The following SSPN variants were observed in gnomAD, a reference collection of about 807,000 sequenced individuals.
SSPN encodes the protein sarcospan, also known as K-ras oncogene-associated protein.
In SSPN, 15 loss-of-function variants were observed where a neutral mutation model predicts 19.1. The observed-to-expected ratio is 0.78, with a 90% CI of 0.52 to 1.21. The LOEUF is 1.21. Among genes scored for constraint, SSPN ranks in the 50% most tolerant of loss-of-function variants. The pLI is 0.00. For missense variants in SSPN, 291 were observed against 314.0 expected, an observed-to-expected ratio of 0.93 and a Z score of 0.55; for synonymous variants, 147 against 140.3, an observed-to-expected ratio of 1.05 and a Z score of -0.34.
intron 1 of SSPN, among the ~76,000 whole-genome samples, chr12:26,197,764 T>G (rs1944842973): frequency 6.6e-6 from 1 of 152,234 alleles, no homozygotes; most frequent in South Asian, 2.1e-4. Flanking sequence ...CTCTGCTCTT[T>G]CTGGTTTTCT....
rs1041381335 is a variant in SSPN at position 26,153,279 on chromosome 12, A to G, written c.-31+31127A>G. 2.1e-4 allele frequency among the ~76,000 whole-genome samples: 32 copies of G among 152,230 alleles called. 1 individual carries two copies. The stretch of plus-strand genomic sequence containing the variant: ...ATATATGTAAAGCACTTTGAACCCT[A>G]CTTGGATCTTATTAAGCACTATCTA... On this transcript the variant is annotated intron_variant, in intron 1 of 2. Coordinates refer to the SSPN transcript ENST00000538142.
chr12:26,122,199 GCCA>G lies in SSPN; in HGVS notation c.-31+50_-31+52del, dbSNP rs965283590. On this transcript the variant is annotated intron_variant, in intron 1 of 2. Coordinates refer to the SSPN transcript ENST00000538142. Reference sequence around the variant, plus strand: ...CTGGGGGTGCGGCGCCCCAAGGGGCGCCACCTCGTGCGGCAGGAGGGTCGCGGC... The same window carrying G: ...CTGGGGGTGCGGCGCCCCAAGGGGCGCCTCGTGCGGCAGGAGGGTCGCGGC... The G allele has an allele frequency of 2.1e-6, 3 of 1,396,278 alleles. No individual in the cohort carries two copies. The African/African-American group carries it at 4.6e-5, about 21-fold the overall frequency. 86.5% of individuals were successfully genotyped at this position (1,396,278 alleles called of 1,614,324 possible). A position where few individuals can be genotyped will look rare whatever the true frequency, so the allele number is the denominator to read the frequency against.
intron 1 of SSPN, among the ~76,000 whole-genome samples, chr12:26,185,980 C>T (rs1343433356): frequency 6.6e-6 from 1 of 152,164 alleles, no homozygotes; most frequent in African/African-American, 2.4e-5. Context: ...ATATCAGGCA[C>T]TCCATAAATG....
intron 1 of SSPN, among the ~76,000 whole-genome samples, chr12:26,169,593 A>T (rs201258825): frequency 0.012 from 1,490 of 120,676 alleles, 25 homozygotes; most frequent in African/African-American, 0.039. Flanking sequence ...ATATATATAT[A>T]TTTTTTTTTC....
chr12:26,168,395 C>T (rs915968473), intron 1 of SSPN, among the ~76,000 whole-genome samples: 8 of 152,102 alleles, frequency 5.3e-5, no homozygotes, highest in African/African-American at 1.9e-4. Context: ...CCACCCCGCC[C>T]AGTGTTCGGA....
intron 1 of SSPN, 66 bp from the exon 2 acceptor site, chr12:26,224,227 G>C: frequency 1.8e-6 from 2 of 1,103,176 alleles, no homozygotes; most frequent in Non-Finnish European, 2.8e-6. Flanking sequence ...AAGATACTGA[G>C]ACTGATGTCA....
intron 1 of SSPN, among the ~76,000 whole-genome samples, chr12:26,206,116 G>T (rs922321327): frequency 6.6e-6 from 1 of 152,122 alleles, no homozygotes; most frequent in African/African-American, 2.4e-5. Flanking sequence ...CTGAAGCTTT[G>T]CTCCCCTTCT....
chr12:26,227,968 T>C (rs1285249900), intron 2 of SSPN, among the ~76,000 whole-genome samples: 1 of 152,218 alleles, frequency 6.6e-6, no homozygotes, highest in Non-Finnish European at 1.5e-5. Context: ...AAAATTCCCA[T>C]TTTCAGCAAA....
At chr12:26,160,879 G>A (rs1944583818) in intron 1 of SSPN, among the ~76,000 whole-genome samples, 2 of 151,948 alleles carry the variant, frequency 1.3e-5, no homozygotes, top group African/African-American at 4.8e-5. Context: ...AGGCCAAGGG[G>A]GGCAGATCAC....
chr12:26,232,279 G>T lies in SSPN; in HGVS notation c.*1203G>T. 1.0e-6 allele frequency: 1 copy of T among 985,394 alleles called. No homozygotes were observed. The highest frequency in any genetic ancestry group is 1.2e-6 in the Non-Finnish European group (1 of 829,906). 61.0% of individuals were successfully genotyped at this position (985,394 alleles called of 1,614,324 possible). On this transcript the variant is annotated 3_prime_UTR_variant, in exon 3 of 3. Coordinates refer to ENST00000242729, the MANE Select transcript of SSPN (RefSeq NM_005086.5). ...TTTGAAGTTCTTATTTGAGCAATAT[G>T]GCCTTGACTTGGAGGGTAGTTTTAG...
intron 1 of SSPN, among the ~76,000 whole-genome samples, chr12:26,199,776 A>G (rs987005259): frequency 6.6e-6 from 1 of 152,218 alleles, no homozygotes; most frequent in African/African-American, 2.4e-5. Context: ...TCCCTTCCTC[A>G]TTCAGTAACA....
At chr12:26,198,604 A>G (rs1944851272) in intron 1 of SSPN, among the ~76,000 whole-genome samples, 2 of 152,196 alleles carry the variant, frequency 1.3e-5, no homozygotes, top group Admixed American at 1.3e-4. Context: ...GCTTTATTTC[A>G]TCTCTAGACT....
chr12:26,147,966 A>G (rs1055742343), intron 1 of SSPN, among the ~76,000 whole-genome samples: 1 of 152,244 alleles, frequency 6.6e-6, no homozygotes, highest in Non-Finnish European at 1.5e-5. Flanking sequence ...ATTCTAGAAT[A>G]TATCTTAATA....
At position 26,122,496 on chromosome 12, in the gene SSPN, G is replaced by A. The variant is rs1430494224; in HGVS notation, c.-31+344G>A. On this transcript the variant is annotated intron_variant, in intron 1 of 2. Transcript: ENST00000538142. ...GCAGAAGGGGGCCGCGGCGGCCGCG[G>A]GCTGCGGGAAGGGCGCGCCTCCGCC... 4 of 1,320,704 alleles carry A rather than the reference G, an allele frequency of 3.0e-6. No individual in the cohort carries two copies. The highest frequency in any genetic ancestry group is 3.5e-5 in the East Asian group (1 of 28,602). The allele number at this position is 1,320,704 out of a possible 1,614,324, so 81.8% of individuals were successfully genotyped here.
chr12:26,188,076 T>C (rs1417539758), intron 1 of SSPN, among the ~76,000 whole-genome samples: 2 of 152,176 alleles, frequency 1.3e-5, no homozygotes, highest in Non-Finnish European at 2.9e-5. Context: ...ATTGTACTTA[T>C]AGTTCATAGC....
chr12:26,125,173 G>A (rs1565666235), intron 1 of SSPN: 1 of 354,252 alleles, frequency 2.8e-6, no homozygotes, highest in South Asian at 2.5e-5. Context: ...GGCGGCGAGA[G>A]AAGGCGAACG....
chr12:26,152,551 T>C (rs1944531968), intron 1 of SSPN, among the ~76,000 whole-genome samples: 1 of 152,220 alleles, frequency 6.6e-6, no homozygotes, highest in South Asian at 2.1e-4. Context: ...CTTATCACTG[T>C]ATTTTAATCC....
At chr12:26,202,181 A>G (rs1944892006) in intron 1 of SSPN, among the ~76,000 whole-genome samples, 1 of 152,222 alleles carries the variant, frequency 6.6e-6, no homozygotes, top group Admixed American at 6.5e-5. Flanking sequence ...AAAGGTCTGT[A>G]CATGTTCAGT....
chr12:26,153,100 A>G (rs1222660741), intron 1 of SSPN, among the ~76,000 whole-genome samples: 1 of 152,172 alleles, frequency 6.6e-6, no homozygotes, highest in Non-Finnish European at 1.5e-5. Context: ...ATCTAAAGTA[A>G]GCCCCATTGC....
Sources: gnomAD v4.1 joint callset for allele counts (sites outside exome capture counted in the v4.1 genomes callset) on GRCh38, gnomAD v4.1.1 for gene constraint, MANE v1.5 for transcripts, NCBI Gene and HGNC (gene_info 2026-07-23, HGNC 2026-07-21) for gene names.